Variants in KATNA1 observed in about 807,000 individuals in gnomAD.
KATNA1 encodes the protein katanin catalytic subunit A1.
Under a neutral mutation model 62.6 loss-of-function variants are expected in KATNA1, and 42 were observed. The observed-to-expected ratio is 0.67, with a 90% CI of 0.52 to 0.87. The LOEUF (loss-of-function observed/expected upper bound fraction) is 0.87, where lower values mean the gene tolerates loss of function less well. Ranked by LOEUF, KATNA1 falls within the 40% of genes least tolerant of loss-of-function variation. KATNA1 has a pLI of 0.00. For missense variants in KATNA1, 498 were observed against 612.5 expected (o/e 0.81, Z 1.97); for synonymous variants, 186 against 201.9 (o/e 0.92, Z 0.67).
intron 8 of KATNA1, 84 bp from the exon 9 acceptor site, chr6:149,597,725 T>A: frequency 7.7e-7 from 1 of 1,290,466 alleles, no homozygotes; most frequent in Non-Finnish European, 1.1e-6. Flanking sequence ...GATCAACAAC[T>A]ATTTAGTACA....
chr6:149,646,485 T>C (rs1478351973), intron 1 of KATNA1, among the ~76,000 whole-genome samples: 2 of 152,204 alleles, frequency 1.3e-5, no homozygotes, highest in African/African-American at 4.8e-5. Flanking sequence ...TGTTCATCTC[T>C]GGGATATGAA....
intron 7 of KATNA1, 33 bp downstream of exon 7, chr6:149,601,561 T>A (rs1778541448): frequency 1.3e-6 from 2 of 1,557,168 alleles, no homozygotes; most frequent in Admixed American, 1.9e-5. Context: ...TTTAGAGAGG[T>A]AAAGAATCAT....
At chr6:149,630,661 GA>G (rs1250171783) in intron 3 of KATNA1, among the ~76,000 whole-genome samples, 2 of 152,108 alleles carry the variant, frequency 1.3e-5, no homozygotes, top group Non-Finnish European at 2.9e-5. Flanking sequence ...AAGTGGCTAA[GA>G]AATAATCAGT....
chr6:149,641,243 C>T (rs1780273492), intron 1 of KATNA1, among the ~76,000 whole-genome samples: 1 of 145,964 alleles, frequency 6.9e-6, no homozygotes, highest in South Asian at 2.2e-4. Context: ...GTGGCATGTT[C>T]TCGGCTCACT....
At chr6:149,625,330 A>C (rs1339772440) in intron 3 of KATNA1, among the ~76,000 whole-genome samples, 2 of 152,118 alleles carry the variant, frequency 1.3e-5, no homozygotes, top group Non-Finnish European at 2.9e-5. Context: ...TCTCAGAGAC[A>C]CTCTAGTAGT....
At chr6:149,632,996 G>C (rs1195358244) in intron 2 of KATNA1, 80 bp from the exon 3 acceptor site, 1 of 1,101,470 alleles carries the variant, frequency 9.1e-7, no homozygotes, top group African/African-American at 1.6e-5. Flanking sequence ...ATTTACTAGA[G>C]ATGTTACAAA....
intron 3 of KATNA1, among the ~76,000 whole-genome samples, chr6:149,628,637 A>G (rs1779713137): frequency 6.6e-6 from 1 of 151,608 alleles, no homozygotes; most frequent in Non-Finnish European, 1.5e-5. Flanking sequence ...TTGGCCAACA[A>G]GGTGAAACCC....
At chr6:149,636,456 C>T (rs1335659171) in intron 2 of KATNA1, among the ~76,000 whole-genome samples, 1 of 123,148 alleles carries the variant, frequency 8.1e-6, no homozygotes, top group Non-Finnish European at 1.6e-5. Flanking sequence ...GTTGCCCTTT[C>T]TGGTAATTAC....
At chr6:149,598,144 T>TA in intron 8 of KATNA1, 80 bp downstream of exon 8, 1 of 1,507,386 alleles carries the variant, frequency 6.6e-7, no homozygotes, top group Non-Finnish European at 9.1e-7. Context: ...GCACTATGAG[T>TA]AAAGTTTGAC....
intron 1 of KATNA1, among the ~76,000 whole-genome samples, chr6:149,647,253 G>A (rs1233534591): frequency 6.6e-6 from 1 of 151,882 alleles, no homozygotes. Context: ...GCCGGGCGCA[G>A]TGGCTCACGT....
intron 4 of KATNA1, among the ~76,000 whole-genome samples, chr6:149,615,146 A>C (rs1454220000): frequency 2.0e-5 from 3 of 150,882 alleles, no homozygotes; most frequent in Admixed American, 1.3e-4. Context: ...AAAAAAAAAA[A>C]AAAAAAAAAC....
intron 2 of KATNA1, 63 bp downstream of exon 2, chr6:149,638,323 T>C (rs1166525853): frequency 4.8e-5 from 69 of 1,449,772 alleles, no homozygotes; most frequent in Admixed American, 4.2e-4. Context: ...CATTGACATC[T>C]GATCTAAATT....
At chr6:149,637,993 TG>T (rs1377514625) in intron 2 of KATNA1, among the ~76,000 whole-genome samples, 17 of 152,278 alleles carry the variant, frequency 1.1e-4, no homozygotes, top group Non-Finnish European at 7.4e-5. Flanking sequence ...TTTTTATTTT[TG>T]AGACAAGGTC....
chr6:149,618,284 C>T (rs1779258359), intron 4 of KATNA1, among the ~76,000 whole-genome samples: 1 of 151,662 alleles, frequency 6.6e-6, no homozygotes, highest in Non-Finnish European at 1.5e-5. Context: ...TCAAGACCAG[C>T]CTGGCCAACA....
chr6:149,599,890 G>A (rs754750393), intron 7 of KATNA1, among the ~76,000 whole-genome samples: 3 of 152,040 alleles, frequency 2.0e-5, no homozygotes, highest in Non-Finnish European at 4.4e-5. Flanking sequence ...ATTCAGACCT[G>A]GCCAATCAGA....
chr6:149,638,727 A>G (rs80258401), intron 1 of KATNA1, 167 bp from the exon 2 acceptor site: 105,088 of 240,750 alleles, frequency 0.44, 25,399 homozygotes, highest in East Asian at 0.76. Context: ...TAAAAAAAAC[A>G]TTGTTTTTTT....
intron 4 of KATNA1, among the ~76,000 whole-genome samples, chr6:149,617,070 G>T (rs559634153): frequency 6.6e-6 from 1 of 152,318 alleles, no homozygotes; most frequent in South Asian, 2.1e-4. Flanking sequence ...GGAAAATACT[G>T]TATGATTCCA....
chr6:149,598,212 A>G lies in KATNA1; in HGVS notation c.1015+12T>C, dbSNP rs1172691200. On this transcript the variant is annotated intron_variant, in intron 8 of 10. Coordinates refer to ENST00000367411, the MANE Select transcript of KATNA1 (RefSeq NM_007044.4). ...CTCCCGTCCCTGTTCAACTCAAGCT[A>G]AACACAGATACCATCCATCTGAACC... 3.1e-6 allele frequency: 5 copies of G among 1,613,464 alleles called. No homozygotes were observed. The highest frequency in any genetic ancestry group is 1.7e-4 in the Middle Eastern group (1 of 6,060).
intron 1 of KATNA1, among the ~76,000 whole-genome samples, chr6:149,645,861 T>A (rs1366687550): frequency 6.6e-6 from 1 of 151,856 alleles, no homozygotes; most frequent in Non-Finnish European, 1.5e-5. Context: ...CAGTGCTGTC[T>A]CTCCACAGAG....
Sources: gnomAD v4.1 joint callset for allele counts (sites outside exome capture counted in the v4.1 genomes callset) on GRCh38, gnomAD v4.1.1 for gene constraint, MANE v1.5 for transcripts, NCBI Gene and HGNC (gene_info 2026-07-23, HGNC 2026-07-21) for gene names.